Variants in SVIP observed in about 807,000 individuals in gnomAD.
The protein encoded by SVIP is small VCP interacting protein, also known as small VCP/p97-interacting protein.
Under a neutral mutation model 12.9 loss-of-function variants are expected in SVIP, and 14 were observed. The observed-to-expected ratio is 1.08, with a 90% CI of 0.72 to 1.70. The LOEUF is 1.70. SVIP is among the 40% of genes most tolerant of loss of function. The pLI, the probability that SVIP is intolerant of heterozygous loss-of-function variation, is 0.00. For missense variants in SVIP, 93 were observed against 90.8 expected, an observed-to-expected ratio of 1.02 and a Z score of -0.10; for synonymous variants, 35 against 33.3, an observed-to-expected ratio of 1.05 and a Z score of -0.17.
intron 3 of SVIP, among the ~76,000 whole-genome samples, chr11:22,825,679 A>C (rs1378444274): frequency 6.6e-6 from 1 of 152,060 alleles, no homozygotes; most frequent in Non-Finnish European, 1.5e-5. Flanking sequence ...TAATCTATAG[A>C]CTTCAGAGTG....
chr11:22,823,144 T>A lies in SVIP; in HGVS notation c.220-11A>T. 6.3e-7 allele frequency: 1 copy of A among 1,585,354 alleles called. No homozygotes were observed. Among genetic ancestry groups the A allele is most frequent in the Non-Finnish European group, 8.6e-7 (1 of 1,164,624 alleles). On this transcript the variant is annotated splice_polypyrimidine_tract_variant and intron_variant, in intron 3 of 3. Coordinates refer to ENST00000354193, the MANE Select transcript of SVIP (RefSeq NM_148893.3). ...TTATGAAACTGTCCACTAGAAAAGA[T>A]AAAAAAGAGACAGAAAAGTAAATTT...
At chr11:22,824,445 C>CATATAT (rs1353475307) in intron 3 of SVIP, among the ~76,000 whole-genome samples, 1 of 105,982 alleles carries the variant, frequency 9.4e-6, no homozygotes, top group African/African-American at 3.0e-5. Flanking sequence ...TACACACACA[C>CATATAT]ATATATATAT....
At chr11:22,828,787 AT>A (rs1400878750) in intron 1 of SVIP, among the ~76,000 whole-genome samples, 1 of 152,184 alleles carries the variant, frequency 6.6e-6, no homozygotes, top group African/African-American at 2.4e-5. Flanking sequence ...TAAGTACTAA[AT>A]TTTTAGTATC....
chr11:22,829,784 C>G lies in SVIP; in HGVS notation c.-36G>C. The G allele has an allele frequency of 1.3e-6, 2 of 1,578,266 alleles. No individual in the cohort carries two copies. The highest frequency in any genetic ancestry group is 1.7e-6 in the Non-Finnish European group (2 of 1,162,460). On this transcript the variant is annotated 5_prime_UTR_variant, in exon 1 of 4. Coordinates refer to ENST00000354193, the MANE Select transcript of SVIP (RefSeq NM_148893.3). Reference sequence around the variant, plus strand: ...GCTTGAGAACCCTGACCGGGTCCGGCCCAGGCCAGGCGGCGCTAACTGCGC... The same window carrying G: ...GCTTGAGAACCCTGACCGGGTCCGGGCCAGGCCAGGCGGCGCTAACTGCGC...
intron 2 of SVIP, among the ~76,000 whole-genome samples, 158 bp from the exon 3 acceptor site, chr11:22,827,478 C>T (rs912138421): frequency 6.6e-6 from 1 of 152,206 alleles, no homozygotes; most frequent in East Asian, 1.9e-4. Context: ...AACAGCCTTA[C>T]ATAAAACATC....
intron 1 of SVIP, 122 bp downstream of exon 1, chr11:22,829,573 A>T: frequency 1.9e-6 from 2 of 1,030,698 alleles, no homozygotes; most frequent in South Asian, 1.6e-5. Context: ...CGTCCTCGCT[A>T]GCAGGGTCCC....
intron 3 of SVIP, among the ~76,000 whole-genome samples, 157 bp from the exon 4 acceptor site, chr11:22,823,290 C>A (rs923735292): frequency 6.6e-6 from 1 of 152,014 alleles, no homozygotes; most frequent in African/African-American, 2.4e-5. Context: ...CATTATAGTC[C>A]AAAGCCTGAA....
intron 1 of SVIP, chr11:22,829,281 A>T (rs947044956): frequency 5.9e-6 from 1 of 168,878 alleles, no homozygotes; most frequent in East Asian, 1.6e-4. Flanking sequence ...TGGTAGACAC[A>T]GTTGAAAACG....
chr11:22,826,519 A>G (rs1482553767), intron 3 of SVIP, among the ~76,000 whole-genome samples: 2 of 152,198 alleles, frequency 1.3e-5, no homozygotes, highest in Non-Finnish European at 2.9e-5. Flanking sequence ...TAAATTCTTA[A>G]TATCTGAGCC....
At chr11:22,823,336 A>C (rs781279366) in intron 3 of SVIP, among the ~76,000 whole-genome samples, 17 of 152,220 alleles carry the variant, frequency 1.1e-4, no homozygotes, top group Admixed American at 3.3e-4. Context: ...AGAAGACAAA[A>C]TATCTGGTCA....
intron 3 of SVIP, among the ~76,000 whole-genome samples, chr11:22,826,596 C>T (rs1397020374): frequency 1.3e-5 from 2 of 152,104 alleles, no homozygotes; most frequent in Non-Finnish European, 2.9e-5. Context: ...AGTGTAAAGA[C>T]TCCAGCATTC....
rs1857425445 is a variant in SVIP, at chr11:22,819,996, C to T, written c.*3123G>A. ...GTGTTTTGAGTTACTGGAACCAAAA[C>T]TTCATCAAAGTCTGTTATACATACA... is the stretch of plus-strand genomic sequence containing the variant. On this transcript the variant is annotated 3_prime_UTR_variant, in exon 4 of 4. Coordinates refer to ENST00000354193, the MANE Select transcript of SVIP (RefSeq NM_148893.3). 1 of 152,118 alleles carries T rather than the reference C, an allele frequency of 6.6e-6. No homozygotes were observed. Among genetic ancestry groups the T allele is most frequent in the African/African-American group, 2.4e-5 (1 of 41,428 alleles). 9.4% of individuals were successfully genotyped at this position (152,118 alleles called of 1,614,324 possible).
chr11:22,829,364 C>T (rs1214930420), intron 1 of SVIP: 1 of 271,518 alleles, frequency 3.7e-6, no homozygotes, highest in East Asian at 6.8e-5. Context: ...TCTACCACAT[C>T]CCCCGGAATG....
chr11:22,823,161 A>G, intron 3 of SVIP, 28 bp from the exon 4 acceptor site: 7 of 1,553,582 alleles, frequency 4.5e-6, no homozygotes, highest in Non-Finnish European at 5.3e-6. Flanking sequence ...GAGACAGAAA[A>G]GTAAATTTTA....
rs190144452 is a variant in SVIP at position 22,822,971 on chromosome 11, C to T, written c.*148G>A. ...GCCATTCTCTAAGCTTGAAAATCAA[C>T]GTTTTTTTAGCATTGCACTTAAGGG... On this transcript the variant is annotated 3_prime_UTR_variant, in exon 4 of 4. Coordinates refer to ENST00000354193, the MANE Select transcript of SVIP (RefSeq NM_148893.3). The T allele has an allele frequency of 5.0e-5, 31 of 618,902 alleles. No individual in the cohort carries two copies. The highest frequency in any genetic ancestry group is 3.7e-4 in the Admixed American group (10 of 26,928). 38.3% of individuals were successfully genotyped at this position (618,902 alleles called of 1,614,324 possible).
chr11:22,829,555 C>T, intron 1 of SVIP, 140 bp downstream of exon 1: 1 of 804,784 alleles, frequency 1.2e-6, no homozygotes, highest in Middle Eastern at 3.3e-4. Flanking sequence ...CCTCCTGACG[C>T]GTCCACCCGT....
chr11:22,827,024 G>A (rs957926932), intron 3 of SVIP, among the ~76,000 whole-genome samples, 183 bp downstream of exon 3: 1 of 151,912 alleles, frequency 6.6e-6, no homozygotes, highest in African/African-American at 2.4e-5. Context: ...GGGGAAAAAA[G>A]CTAATTGATT....
At chr11:22,826,308 A>G (rs907445347) in intron 3 of SVIP, among the ~76,000 whole-genome samples, 1 of 152,088 alleles carries the variant, frequency 6.6e-6, no homozygotes, top group African/African-American at 2.4e-5. Context: ...GAGAGTATCT[A>G]CATGTAGGCA....
intron 3 of SVIP, among the ~76,000 whole-genome samples, chr11:22,823,351 G>T (rs1857550019): frequency 6.6e-6 from 1 of 152,178 alleles, no homozygotes; most frequent in Non-Finnish European, 1.5e-5. Flanking sequence ...TGGTCAGATT[G>T]GTGGGTAGTT....
Sources: allele counts gnomAD v4.1 joint callset (sites outside exome capture counted in the v4.1 genomes callset), GRCh38; gene constraint gnomAD v4.1.1; transcripts MANE v1.5; gene names NCBI Gene and HGNC (gene_info 2026-07-23, HGNC 2026-07-21).